The following ERCC2 variants were observed in gnomAD, a reference collection of about 807,000 sequenced individuals.
The protein encoded by ERCC2 is ERCC excision repair 2, TFIIH core complex helicase subunit, also known as general transcription and DNA repair factor IIH helicase subunit XPD.
Under a neutral mutation model 99.4 loss-of-function variants are expected in ERCC2, and 90 were observed. The observed-to-expected ratio is 0.91, with a 90% CI of 0.76 to 1.08. The LOEUF is 1.08. Ranked by LOEUF, ERCC2 falls within the 50% of genes least tolerant of loss-of-function variation. The probability of loss-of-function intolerance (pLI) is 0.00; values close to 1 mark genes in which losing one functional copy is unlikely to be tolerated. For missense variants in ERCC2, 993 were observed against 1,038.1 expected, an observed-to-expected ratio of 0.96 and a Z score of 0.60; for synonymous variants, 497 against 432.4, an observed-to-expected ratio of 1.15 and a Z score of -1.85.
In ERCC2 at chr19:45,353,188, C is replaced by G. The variant is rs530885828; in HGVS notation, c.1759-33G>C. On this transcript the variant is annotated intron_variant, in intron 18 of 22. Coordinates refer to ENST00000391945, the MANE Select transcript of ERCC2 (RefSeq NM_000400.4). Reference sequence around the variant, plus strand: ...GGGGAGACCGAGACGCAAGTTAGGTCACTCCTCAGAGCCACCTCCCCGACC... The same window carrying G: ...GGGGAGACCGAGACGCAAGTTAGGTGACTCCTCAGAGCCACCTCCCCGACC... 16 of 1,613,156 alleles carry G rather than the reference C, an allele frequency of 9.9e-6. No individual in the cohort carries two copies. The South Asian group carries it at 1.6e-4, about 17-fold the overall frequency.
At chr19:45,369,985 T>G in intron 2 of ERCC2, 148 bp downstream of exon 2, 4 of 692,714 alleles carry the variant, frequency 5.8e-6, no homozygotes, top group East Asian at 2.9e-5. Context: ...CTATTCACCA[T>G]TATTGTTTTA....
In ERCC2 at chr19:45,352,727, G is replaced by T; in HGVS notation, c.1902+19C>A. ...TGATCCTAACACTGTGGGACTCCCT[G>T]GGAGACAGAGCTACTCACCTTGAGA... On this transcript the variant is annotated intron_variant, in intron 20 of 22. Coordinates refer to ENST00000391945, the MANE Select transcript of ERCC2 (RefSeq NM_000400.4). The T allele has an allele frequency of 1.2e-6, 2 of 1,613,990 alleles. No individual in the cohort carries two copies. Among genetic ancestry groups the T allele is most frequent in the Non-Finnish European group, 1.7e-6 (2 of 1,179,950 alleles).
intron 5 of ERCC2, among the ~76,000 whole-genome samples, chr19:45,367,751 T>C (rs1345056551): frequency 6.6e-6 from 1 of 151,952 alleles, no homozygotes; most frequent in African/African-American, 2.4e-5. Flanking sequence ...CGACCTCAGG[T>C]GTCCACCCGC....
intron 19 of ERCC2, 60 bp downstream of exon 19, chr19:45,353,023 G>A (rs1971873942): frequency 1.9e-6 from 3 of 1,538,568 alleles, no homozygotes; most frequent in Non-Finnish European, 1.8e-6. Context: ...CAGCAGAGCG[G>A]GCAGGTGTTC....
Position 45,363,898 on chromosome 19 carries a change from G to A in ERCC2, c.963C>T (p.Gly321=). Residue 321 remains glycine, a synonymous_variant, in exon 11 of 23, where the codon GGC becomes GGT. Coordinates refer to ENST00000391945, the MANE Select transcript of ERCC2 (RefSeq NM_000400.4). ...GGAAATGCTCGGCCGTGCGGATGGA[G>A]CCAGGCACTGCCTCTGCGAGGAGAC... is the stretch of plus-strand genomic sequence containing the variant. The part of the protein sequence containing the change: ...PDEVLQEAVP[G]SIRTAEHFLG... 6.5e-7 allele frequency: 1 copy of A among 1,546,342 alleles called. No homozygotes were observed. Among genetic ancestry groups the A allele is most frequent in the Non-Finnish European group, 8.7e-7 (1 of 1,152,648 alleles).
chr19:45,366,634 A>G (rs927752547), intron 5 of ERCC2, among the ~76,000 whole-genome samples: 1 of 152,150 alleles, frequency 6.6e-6, no homozygotes, highest in Non-Finnish European at 1.5e-5. Flanking sequence ...ATCACAGCCT[A>G]AGGCTTTTTC....
chr19:45,351,333 CACCCAGG>C lies in ERCC2; in HGVS notation c.*289_*295del, dbSNP rs1971763238. 6.2e-7 allele frequency: 1 copy of C among 1,611,888 alleles called. No homozygotes were observed. Among genetic ancestry groups the C allele is most frequent in the African/African-American group, 1.3e-5 (1 of 74,896 alleles). On this transcript the variant is annotated 3_prime_UTR_variant, in exon 23 of 23. Transcript: ENST00000391945. ...AGGCCCCTCGGACCCTCAGCGCCAGCACCCAGGACCTGAGCCCCCACTAACGTCCAGT... is the reference window on the plus strand; with the variant it reads ...AGGCCCCTCGGACCCTCAGCGCCAGCACCTGAGCCCCCACTAACGTCCAGT...
intron 12 of ERCC2, among the ~76,000 whole-genome samples, chr19:45,359,772 G>A (rs917793076): frequency 2.0e-5 from 3 of 150,914 alleles, no homozygotes; most frequent in Admixed American, 1.3e-4. Flanking sequence ...GTCCCTGCCA[G>A]AAGAACTCTT....
In ERCC2 at chr19:45,370,526, C is replaced by T; in HGVS notation, c.5+10G>A. On this transcript the variant is annotated intron_variant, in intron 1 of 22. Coordinates refer to ENST00000391945, the MANE Select transcript of ERCC2 (RefSeq NM_000400.4). Reference sequence around the variant, plus strand: ...CCGCTAGCGAGCGCGACCCCCAGCCCCCTTCTCACTTCATGGCGCCGGCCG... The same window carrying T: ...CCGCTAGCGAGCGCGACCCCCAGCCTCCTTCTCACTTCATGGCGCCGGCCG... The T allele has an allele frequency of 1.3e-6, 2 of 1,591,570 alleles. No individual in the cohort carries two copies. Among genetic ancestry groups the T allele is most frequent in the African/African-American group, 1.3e-5 (1 of 74,594 alleles).
In ERCC2 at chr19:45,358,755, T is replaced by C. The variant is rs553855631; in HGVS notation, c.1238-1056A>G. 15 of 754,452 alleles carry C rather than the reference T, an allele frequency of 2.0e-5. No homozygotes were observed. The East Asian group carries it at 2.5e-4, about 12-fold the overall frequency. 46.7% of individuals were successfully genotyped at this position (754,452 alleles called of 1,614,324 possible). On this transcript the variant is annotated intron_variant, in intron 12 of 22. Coordinates refer to ENST00000391945, the MANE Select transcript of ERCC2 (RefSeq NM_000400.4). ...ACGCAGACATATTCCAACACAACAA[T>C]GTATTTTTTTTCATGATAACTGTCA... is the stretch of plus-strand genomic sequence containing the variant.
chr19:45,351,247 C>CTCACCTCCCCTCCAACCA lies in ERCC2; in HGVS notation c.*364_*381dup. The CTCACCTCCCCTCCAACCA allele has an allele frequency of 1.4e-6, 1 of 691,150 alleles. No individual in the cohort carries two copies. Among genetic ancestry groups the CTCACCTCCCCTCCAACCA allele is most frequent in the South Asian group, 2.8e-5 (1 of 36,114 alleles). 42.8% of individuals were successfully genotyped at this position (691,150 alleles called of 1,614,324 possible). On this transcript the variant is annotated 3_prime_UTR_variant, in exon 23 of 23. Coordinates refer to ENST00000391945, the MANE Select transcript of ERCC2 (RefSeq NM_000400.4). Reference sequence around the variant, plus strand: ...TGGAGGGTGGATGTAACACTTGCCCCTCACCTCCCCTCCAACCATCCCCTG... The same window carrying CTCACCTCCCCTCCAACCA: ...TGGAGGGTGGATGTAACACTTGCCCCTCACCTCCCCTCCAACCATCACCTCCCCTCCAACCATCCCCTG...
In ERCC2 at chr19:45,369,111, T is replaced by TC; in HGVS notation, c.141dup (p.Lys48GlufsTer34). On this transcript the variant is annotated frameshift_variant, in exon 3 of 23. Coordinates refer to ENST00000391945, the MANE Select transcript of ERCC2 (RefSeq NM_000400.4). LOFTEE classifies it high-confidence loss of function. ...ATCAGGGCCAACAGGGATACTGTCT[T>TC]CCCGGTGCCTGAGGGCATCTCCAGG... 1 of 1,614,162 alleles carries TC rather than the reference T, an allele frequency of 6.2e-7. No individual in the cohort carries two copies. The highest frequency in any genetic ancestry group is 8.5e-7 in the Non-Finnish European group (1 of 1,180,004).
intron 5 of ERCC2, among the ~76,000 whole-genome samples, chr19:45,367,400 C>T (rs8109829): frequency 0.31 from 44,957 of 146,934 alleles, 8,013 homozygotes; most frequent in Middle Eastern, 0.43. Flanking sequence ...CACACACACA[C>T]ATATAAAAAC....
At chr19:45,364,770 G>A in intron 7 of ERCC2, 68 bp downstream of exon 7, 1 of 1,340,194 alleles carries the variant, frequency 7.5e-7, no homozygotes, top group Non-Finnish European at 1.1e-6. Flanking sequence ...GACATGGGCA[G>A]ACAGGAGACG....
intron 18 of ERCC2, 31 bp downstream of exon 18, chr19:45,353,205 TCCCCGA>T: frequency 3.1e-6 from 5 of 1,611,164 alleles, no homozygotes; most frequent in Non-Finnish European, 4.2e-6. Context: ...CAGAGCCACC[TCCCCGA>T]CCCCTCTCCA....
Position 45,350,661 on chromosome 19 carries a change from A to T in ERCC2, c.*968T>A, listed in dbSNP as rs748545288. On this transcript the variant is annotated 3_prime_UTR_variant, in exon 23 of 23. Transcript: ENST00000391945. Reference sequence around the variant, plus strand: ...CCCAGGCCCTTCGCCGCAGCAGCTCACTCTCCAAGATCCGTGAGTCTATCA... The same window carrying T: ...CCCAGGCCCTTCGCCGCAGCAGCTCTCTCTCCAAGATCCGTGAGTCTATCA... 10 of 1,612,354 alleles carry T rather than the reference A, an allele frequency of 6.2e-6. No homozygotes were observed. The highest frequency in any genetic ancestry group is 2.7e-5 in the African/African-American group (2 of 74,486).
At chr19:45,352,072 A>T in intron 22 of ERCC2, 137 bp downstream of exon 22, 1 of 1,037,164 alleles carries the variant, frequency 9.6e-7, no homozygotes, top group African/African-American at 1.6e-5. Context: ...CCTGGCACGT[A>T]GATGCACGAT....
At chr19:45,365,594 G>C (rs1972399060) in intron 5 of ERCC2, among the ~76,000 whole-genome samples, 1 of 151,996 alleles carries the variant, frequency 6.6e-6, no homozygotes, top group Non-Finnish European at 1.5e-5. Flanking sequence ...CTGGGCGACA[G>C]AGTGAGACAC....
chr19:45,352,091 CTT>C (rs1971818334), intron 22 of ERCC2, 116 bp downstream of exon 22: 5 of 1,224,286 alleles, frequency 4.1e-6, no homozygotes, highest in East Asian at 5.0e-5. Flanking sequence ...ATAAACTTCT[CTT>C]TGCTGAGGGC....
Sources: allele counts gnomAD v4.1 joint callset (sites outside exome capture counted in the v4.1 genomes callset), GRCh38; gene constraint gnomAD v4.1.1; transcripts MANE v1.5; gene names NCBI Gene and HGNC (gene_info 2026-07-23, HGNC 2026-07-21).